The following TTC28 variants were observed in gnomAD, a reference collection of about 807,000 sequenced individuals.
TTC28 encodes tetratricopeptide repeat protein 28.
In TTC28, 61 loss-of-function variants were observed where a neutral mutation model predicts 198.0. That is an observed-to-expected ratio of 0.31 (90% CI 0.25 to 0.38). The LOEUF (loss-of-function observed/expected upper bound fraction) is 0.38, where lower values mean the gene tolerates loss of function less well. TTC28 is among the 10% of genes least tolerant of loss of function. The pLI, the probability that TTC28 is intolerant of heterozygous loss-of-function variation, is 1.00. For missense variants in TTC28, 2,678 were observed against 3,164.0 expected (o/e 0.85, Z 3.69); for synonymous variants, 1,171 against 1,297.8 (o/e 0.90, Z 2.10).
chr22:28,244,948 C>T (rs953180018), intron 5 of TTC28, among the ~76,000 whole-genome samples: 3 of 152,102 alleles, frequency 2.0e-5, no homozygotes, highest in Non-Finnish European at 2.9e-5. Flanking sequence ...ACTGCAAGTG[C>T]CCAGCCTTCA....
At chr22:28,012,764 G>A (rs1036599059) in intron 14 of TTC28, among the ~76,000 whole-genome samples, 1 of 152,044 alleles carries the variant, frequency 6.6e-6, no homozygotes, top group Admixed American at 6.5e-5. Context: ...TGCCCGGCTC[G>A]GCCTCCCAAA....
intron 5 of TTC28, among the ~76,000 whole-genome samples, chr22:28,216,887 A>T (rs1320401043): frequency 6.6e-6 from 1 of 151,802 alleles, no homozygotes; most frequent in Admixed American, 6.6e-5. Context: ...ATGCTTGGCA[A>T]TTTTTTATTT....
At chr22:28,540,915 T>C (rs373450567) in intron 2 of TTC28, among the ~76,000 whole-genome samples, 8 of 152,222 alleles carry the variant, frequency 5.3e-5, no homozygotes, top group African/African-American at 1.7e-4. Context: ...CTTCACTCTT[T>C]ATATCAAATG....
chr22:28,337,645 C>G (rs142789960), intron 2 of TTC28, among the ~76,000 whole-genome samples: 1 of 152,000 alleles, frequency 6.6e-6, no homozygotes, highest in Non-Finnish European at 1.5e-5. Context: ...CTGTTTTATC[C>G]GAGAGTAGGA....
At chr22:28,128,265 C>T (rs1216370121) in intron 6 of TTC28, among the ~76,000 whole-genome samples, 2 of 151,974 alleles carry the variant, frequency 1.3e-5, no homozygotes, top group Non-Finnish European at 2.9e-5. Flanking sequence ...TTGCAGTGAG[C>T]CGAGATTGCG....
At chr22:28,505,845 C>T (rs2048604392) in intron 2 of TTC28, among the ~76,000 whole-genome samples, 1 of 152,232 alleles carries the variant, frequency 6.6e-6, no homozygotes, top group South Asian at 2.1e-4. Context: ...GCTTGGAATT[C>T]CAGCCGCCAA....
chr22:28,067,687 G>C (rs1249560989), intron 12 of TTC28, among the ~76,000 whole-genome samples: 1 of 152,170 alleles, frequency 6.6e-6, no homozygotes. Context: ...TAGTTGCTAA[G>C]TGAATAAATG....
chr22:28,089,781 G>T (rs1420424751), intron 12 of TTC28, among the ~76,000 whole-genome samples: 1 of 149,690 alleles, frequency 6.7e-6, no homozygotes, highest in Non-Finnish European at 1.5e-5. Flanking sequence ...ATACTATGCA[G>T]CCATAAAAAA....
chr22:28,446,895 A>G (rs945852562), intron 2 of TTC28, among the ~76,000 whole-genome samples: 11 of 152,352 alleles, frequency 7.2e-5, no homozygotes, highest in Admixed American at 7.2e-4. Context: ...TGCATTTTTA[A>G]GCAATCTAAT....
intron 2 of TTC28, among the ~76,000 whole-genome samples, chr22:28,414,743 G>T (rs995474361): frequency 6.6e-6 from 1 of 152,106 alleles, no homozygotes; most frequent in Non-Finnish European, 1.5e-5. Context: ...AAGTGAATAC[G>T]CAATGATCTA....
intron 2 of TTC28, among the ~76,000 whole-genome samples, chr22:28,508,882 G>A (rs925244639): frequency 6.6e-6 from 1 of 151,936 alleles, no homozygotes; most frequent in African/African-American, 2.4e-5. Context: ...AAGTGGACCT[G>A]ATAGAGATCT....
intron 2 of TTC28, among the ~76,000 whole-genome samples, chr22:28,403,936 A>G (rs2046957853): frequency 6.6e-6 from 1 of 152,172 alleles, no homozygotes; most frequent in African/African-American, 2.4e-5. Context: ...GACTTTTTTT[A>G]AGTAAAGAAA....
chr22:28,370,308 G>A (rs1446987275), intron 2 of TTC28, among the ~76,000 whole-genome samples: 1 of 152,154 alleles, frequency 6.6e-6, no homozygotes, highest in Admixed American at 6.5e-5. Context: ...TAGAGAAGGT[G>A]GTAACTGCTT....
At chr22:28,537,891 G>C (rs1472704872) in intron 2 of TTC28, among the ~76,000 whole-genome samples, 1 of 152,076 alleles carries the variant, frequency 6.6e-6, no homozygotes, top group African/African-American at 2.4e-5. Flanking sequence ...CCAGCTATGG[G>C]AGGCTGAGGT....
chr22:28,593,215 G>A (rs1401283324), intron 2 of TTC28, among the ~76,000 whole-genome samples: 2 of 152,108 alleles, frequency 1.3e-5, no homozygotes, highest in East Asian at 1.9e-4. Context: ...TTCAGTGTTC[G>A]TGTTCGGTGG....
chr22:28,379,541 TA>T (rs2046464489), intron 2 of TTC28, among the ~76,000 whole-genome samples: 1 of 152,202 alleles, frequency 6.6e-6, no homozygotes, highest in Admixed American at 6.5e-5. Flanking sequence ...ACAAATACTG[TA>T]TAATTCCACT....
At chr22:28,397,039 T>C (rs1442152970) in intron 2 of TTC28, among the ~76,000 whole-genome samples, 1 of 152,146 alleles carries the variant, frequency 6.6e-6, no homozygotes, top group Admixed American at 6.6e-5. Context: ...TAATCCAATA[T>C]TAAGAATAAA....
At chr22:28,511,805 G>A (rs1423900016) in intron 2 of TTC28, among the ~76,000 whole-genome samples, 2 of 150,730 alleles carry the variant, frequency 1.3e-5, no homozygotes, top group Admixed American at 1.3e-4. Context: ...GTGATATAGT[G>A]AGACTCCGTC....
intron 13 of TTC28, among the ~76,000 whole-genome samples, chr22:28,018,643 G>A (rs931791793): frequency 2.0e-5 from 3 of 152,218 alleles, no homozygotes; most frequent in Admixed American, 6.5e-5. Context: ...GCAGCCACAT[G>A]TGGCTGGTCC....
Sources: allele counts gnomAD v4.1 joint callset (sites outside exome capture counted in the v4.1 genomes callset), GRCh38; gene constraint gnomAD v4.1.1; transcripts MANE v1.5; gene names NCBI Gene and HGNC (gene_info 2026-07-23, HGNC 2026-07-21).